The following GHR variants were observed in gnomAD, a reference collection of about 807,000 sequenced individuals.
GHR encodes the protein GH receptor.
Under a neutral mutation model 67.1 loss-of-function variants are expected in GHR, and 35 were observed. That is an observed-to-expected ratio of 0.52 (90% CI 0.40 to 0.69). The LOEUF is 0.69. Ranked by LOEUF, GHR falls within the 30% of genes least tolerant of loss-of-function variation. The pLI, the probability that GHR is intolerant of heterozygous loss-of-function variation, is 0.00. For missense variants in GHR, 792 were observed against 764.6 expected, an observed-to-expected ratio of 1.04 and a Z score of -0.42; for synonymous variants, 272 against 269.1, an observed-to-expected ratio of 1.01 and a Z score of -0.10.
Position 42,719,419 on chromosome 5 carries a change from C to G in GHR, c.1912C>G (p.Pro638Ala). 6.2e-7 allele frequency: 1 copy of G among 1,612,464 alleles called. No individual in the cohort carries two copies. The change falls in exon 10 of 10, where the codon CCT (proline) becomes GCT (alanine). Residue 638 changes from proline (P) to alanine (A), a missense_variant. By Grantham distance (27) the Pro-to-Ala change is conservative (BLOSUM62 -1). Coordinates refer to ENST00000230882, the MANE Select transcript of GHR (RefSeq NM_000163.5). ...CACAGACCAACTGAACAAAATCATGCCTTAGCCTTTCTTTGGTTTCCCAAG... is the reference window on the plus strand; with the variant it reads ...CACAGACCAACTGAACAAAATCATGGCTTAGCCTTTCTTTGGTTTCCCAAG... ...VSTDQLNKIM[P>A]
chr5:42,448,478 G>A (rs1205143152), intron 1 of GHR, among the ~76,000 whole-genome samples: 1 of 151,640 alleles, frequency 6.6e-6, no homozygotes, highest in Non-Finnish European at 1.5e-5. Flanking sequence ...TGAGTTCCTT[G>A]TAGATTCTGG....
At chr5:42,641,597 T>C (rs1754480119) in intron 3 of GHR, among the ~76,000 whole-genome samples, 1 of 152,122 alleles carries the variant, frequency 6.6e-6, no homozygotes, top group African/African-American at 2.4e-5. Context: ...TTTCCCACAC[T>C]ATCTCATCCT....
At chr5:42,436,648 A>T (rs1743341191) in intron 1 of GHR, among the ~76,000 whole-genome samples, 1 of 152,220 alleles carries the variant, frequency 6.6e-6, no homozygotes, top group Non-Finnish European at 1.5e-5. Context: ...GATATTGTGT[A>T]ATAATTTAAA....
chr5:42,523,042 T>C (rs748777966), intron 1 of GHR, among the ~76,000 whole-genome samples: 1 of 152,214 alleles, frequency 6.6e-6, no homozygotes, highest in Non-Finnish European at 1.5e-5. Flanking sequence ...CGTGTGGCAA[T>C]AGTTCCTAAA....
intron 1 of GHR, among the ~76,000 whole-genome samples, chr5:42,551,515 A>G (rs1324129684): frequency 6.6e-6 from 1 of 152,216 alleles, no homozygotes; most frequent in Non-Finnish European, 1.5e-5. Context: ...CTCTAGGAGA[A>G]GGTACTACGT....
chr5:42,618,380 C>T (rs1318107568), intron 2 of GHR, among the ~76,000 whole-genome samples: 6 of 151,946 alleles, frequency 3.9e-5, no homozygotes, highest in South Asian at 2.1e-4. Context: ...CAGATAAATC[C>T]GTAAAATGTA....
At chr5:42,552,330 G>T (rs760609407) in intron 1 of GHR, among the ~76,000 whole-genome samples, 2 of 152,046 alleles carry the variant, frequency 1.3e-5, no homozygotes, top group Non-Finnish European at 2.9e-5. Context: ...CTCCTTTTCC[G>T]TATTTTTCTT....
intron 1 of GHR, among the ~76,000 whole-genome samples, chr5:42,446,817 A>G (rs1160099753): frequency 6.6e-6 from 1 of 152,188 alleles, no homozygotes; most frequent in Non-Finnish European, 1.5e-5. Context: ...AGCCATCCCT[A>G]TAGTGTGTGA....
intron 1 of GHR, among the ~76,000 whole-genome samples, chr5:42,463,306 C>T (rs994255111): frequency 3.9e-5 from 6 of 152,152 alleles, no homozygotes; most frequent in African/African-American, 1.2e-4. Flanking sequence ...GTCAATGATA[C>T]GACTTCAGGG....
Position 42,424,919 on chromosome 5 carries a change from G to T in GHR, c.-12+964G>T, listed in dbSNP as rs1460929743. The T allele has an allele frequency of 1.2e-6, 1 of 808,686 alleles. No individual in the cohort carries two copies. The highest frequency in any genetic ancestry group is 1.5e-6 in the Non-Finnish European group (1 of 668,554). The allele number at this position is 808,686 out of a possible 1,614,324, so 50.1% of individuals were successfully genotyped here. On this transcript the variant is annotated intron_variant, in intron 1 of 9. Coordinates refer to ENST00000230882, the MANE Select transcript of GHR (RefSeq NM_000163.5). The surrounding 1 kb of genome is among the most constrained non-coding windows in gnomAD (Gnocchi z 4.1). The stretch of plus-strand genomic sequence containing the variant: ...GTGTGCGCTGTGTGTGCGCGCGCGA[G>T]TGTGCGCCTGGGGAGGCGTGTCGGC...
At chr5:42,610,122 C>G (rs111469798) in intron 2 of GHR, among the ~76,000 whole-genome samples, 24 of 152,112 alleles carry the variant, frequency 1.6e-4, no homozygotes, top group African/African-American at 5.3e-4. Context: ...GGAGTAAGAC[C>G]AGCCAGATAT....
chr5:42,425,782 A>G (rs1465390782), intron 1 of GHR, among the ~76,000 whole-genome samples: 1 of 152,142 alleles, frequency 6.6e-6, no homozygotes, highest in African/African-American at 2.4e-5. Context: ...TTTGTTTTGC[A>G]TTAATCTAAG....
chr5:42,704,286 T>C (rs943728097), intron 6 of GHR, among the ~76,000 whole-genome samples: 2 of 151,810 alleles, frequency 1.3e-5, no homozygotes, highest in African/African-American at 2.4e-5. Context: ...TTTTGACAAG[T>C]GCTTCTTCTG....
chr5:42,674,436 A>T (rs1038488885), intron 3 of GHR, among the ~76,000 whole-genome samples: 2 of 152,182 alleles, frequency 1.3e-5, no homozygotes, highest in African/African-American at 4.8e-5. Flanking sequence ...TGCAACAATC[A>T]CTACTATCTA....
At chr5:42,683,966 T>A (rs149939551) in intron 3 of GHR, among the ~76,000 whole-genome samples, 1 of 135,568 alleles carries the variant, frequency 7.4e-6, no homozygotes, top group African/African-American at 3.1e-5. Flanking sequence ...TCTTTTTAAG[T>A]TTTTTTTTTT....
intron 5 of GHR, 27 bp downstream of exon 5, chr5:42,695,116 G>C: frequency 6.5e-7 from 1 of 1,541,498 alleles, no homozygotes; most frequent in Admixed American, 1.7e-5. Flanking sequence ...TGTTTCATTT[G>C]ACATAGTTTT....
intron 2 of GHR, among the ~76,000 whole-genome samples, chr5:42,626,256 TC>T (rs1472924042): frequency 6.6e-6 from 1 of 152,092 alleles, no homozygotes; most frequent in Non-Finnish European, 1.5e-5. Context: ...AACAATACTG[TC>T]CCCCACTTCA....
intron 1 of GHR, among the ~76,000 whole-genome samples, chr5:42,501,259 A>G (rs759870947): frequency 1.2e-4 from 18 of 152,212 alleles, no homozygotes; most frequent in Non-Finnish European, 4.4e-5. Flanking sequence ...AGTGTTCAAT[A>G]ATGATTATAA....
At chr5:42,680,740 G>C (rs1460585661) in intron 3 of GHR, among the ~76,000 whole-genome samples, 1 of 151,900 alleles carries the variant, frequency 6.6e-6, no homozygotes. Context: ...CCTGGCCTCA[G>C]GTAATCCACC....
Sources: allele counts gnomAD v4.1 joint callset (sites outside exome capture counted in the v4.1 genomes callset), GRCh38; gene constraint gnomAD v4.1.1; non-coding constraint Gnocchi (gnomAD v3.1); transcripts MANE v1.5; gene names NCBI Gene and HGNC (gene_info 2026-07-23, HGNC 2026-07-21).